The following IMMP2L variants were observed in gnomAD, a reference collection of about 807,000 sequenced individuals.
The protein encoded by IMMP2L is mitochondrial inner membrane protease subunit 2.
Under a neutral mutation model 19.3 loss-of-function variants are expected in IMMP2L, and 18 were observed. The observed-to-expected ratio is 0.93, with a 90% confidence interval of 0.64 to 1.38. IMMP2L has a LOEUF of 1.38. IMMP2L is among the 40% of genes most tolerant of loss of function. The pLI is 0.00. For synonymous variants in IMMP2L, 76 were observed against 73.0 expected (o/e 1.04, Z -0.21); for missense variants, 233 against 218.2 (o/e 1.07, Z -0.43).
intron 2 of IMMP2L, among the ~76,000 whole-genome samples, chr7:111,509,906 T>G (rs929343164): frequency 3.3e-5 from 5 of 152,120 alleles, no homozygotes; most frequent in African/African-American, 9.7e-5. Context: ...AAGAAGAAAT[T>G]TCATATGCAT....
At chr7:111,086,274 A>G (rs946251065) in intron 3 of IMMP2L, among the ~76,000 whole-genome samples, 2 of 151,390 alleles carry the variant, frequency 1.3e-5, no homozygotes, top group Admixed American at 6.6e-5. Context: ...AAGAAAAAAA[A>G]AAAAGAAAAA....
At chr7:111,539,248 AAG>A (rs199941521) in intron 1 of IMMP2L, among the ~76,000 whole-genome samples, 182 of 145,804 alleles carry the variant, frequency 1.2e-3, no homozygotes, top group Middle Eastern at 3.6e-3. Context: ...GAAAGAAAGA[AAG>A]AAAGAAAGAA....
At chr7:111,294,671 G>C (rs1821443022) in intron 3 of IMMP2L, among the ~76,000 whole-genome samples, 1 of 151,750 alleles carries the variant, frequency 6.6e-6, no homozygotes, top group African/African-American at 2.4e-5. Flanking sequence ...ACCAAAACTG[G>C]CAAGGACAGA....
At chr7:111,490,596 C>T (rs1326839633) in intron 2 of IMMP2L, among the ~76,000 whole-genome samples, 1 of 151,284 alleles carries the variant, frequency 6.6e-6, no homozygotes, top group African/African-American at 2.4e-5. Context: ...TTTCAAGCAC[C>T]AATCATTATG....
chr7:111,507,538 T>C (rs1446321800), intron 2 of IMMP2L, among the ~76,000 whole-genome samples: 1 of 152,124 alleles, frequency 6.6e-6, no homozygotes, highest in Non-Finnish European at 1.5e-5. Context: ...CTGTTTTCTA[T>C]TAACAGTTGT....
chr7:111,431,520 A>G (rs1427401107), intron 3 of IMMP2L, among the ~76,000 whole-genome samples: 2 of 151,884 alleles, frequency 1.3e-5, no homozygotes, highest in African/African-American at 4.9e-5. Flanking sequence ...GCAAGATCAC[A>G]CAGGTTTTTT....
chr7:110,757,692 G>A lies in IMMP2L; in HGVS notation c.409-93971C>T, dbSNP rs899318029. Reference sequence around the variant, plus strand: ...AACAGCTCTGCTTTATCAGGCCTGGGATATGCATATCCTTCCTAGACTCCC... The same window carrying A: ...AACAGCTCTGCTTTATCAGGCCTGGAATATGCATATCCTTCCTAGACTCCC... On this transcript the variant is annotated intron_variant, in intron 5 of 5. Coordinates refer to ENST00000405709, the MANE Select transcript of IMMP2L (RefSeq NM_032549.4). This position sits in a 1 kb window ranked among gnomAD's most constrained non-coding sequence, Gnocchi z 4.2. Among the ~76,000 whole-genome samples the A allele has an allele frequency of 6.6e-6, 1 of 152,092 alleles. No individual in the cohort carries two copies. The highest frequency in any genetic ancestry group is 2.4e-5 in the African/African-American group (1 of 41,426).
intron 3 of IMMP2L, among the ~76,000 whole-genome samples, chr7:111,391,222 A>T (rs1832324125): frequency 6.6e-6 from 1 of 152,114 alleles, no homozygotes; most frequent in Admixed American, 6.6e-5. Context: ...CATCAGGAGC[A>T]GCTCTCTTGC....
chr7:111,085,075 A>G (rs1294953716), intron 3 of IMMP2L, among the ~76,000 whole-genome samples: 1 of 152,174 alleles, frequency 6.6e-6, no homozygotes, highest in African/African-American at 2.4e-5. Flanking sequence ...ACCTTTTTGG[A>G]TCTACAGAGA....
chr7:110,760,103 G>A lies in IMMP2L; in HGVS notation c.409-96382C>T, dbSNP rs566473504. On this transcript the variant is annotated intron_variant, in intron 5 of 5. Transcript: ENST00000405709. This position sits in a 1 kb window ranked among gnomAD's most constrained non-coding sequence, Gnocchi z 4.2. ...TGCTTTGTCATCACAAAAGAAAACC[G>A]TTTTATTTTTCTAATTATTATCTAC... 3.5e-4 allele frequency among the ~76,000 whole-genome samples: 54 copies of A among 152,132 alleles called. No individual in the cohort carries two copies. Among genetic ancestry groups the A allele is most frequent in the African/African-American group, 1.1e-3 (46 of 41,528 alleles).
intron 3 of IMMP2L, among the ~76,000 whole-genome samples, chr7:111,430,052 T>A (rs1363681142): frequency 2.0e-5 from 3 of 151,820 alleles, no homozygotes; most frequent in Non-Finnish European, 4.4e-5. Flanking sequence ...GCCACATGTA[T>A]ACAAAACAAA....
intron 3 of IMMP2L, among the ~76,000 whole-genome samples, chr7:111,139,385 T>G (rs1802654535): frequency 6.6e-6 from 1 of 152,138 alleles, no homozygotes; most frequent in African/African-American, 2.4e-5. Flanking sequence ...TGCCAGAGAC[T>G]GGACTAGATT....
At chr7:111,320,196 A>G (rs1287107082) in intron 3 of IMMP2L, among the ~76,000 whole-genome samples, 1 of 152,062 alleles carries the variant, frequency 6.6e-6, no homozygotes, top group African/African-American at 2.4e-5. Context: ...CTACCAAGAC[A>G]GAAGCTAATT....
chr7:111,123,415 C>A lies in IMMP2L; in HGVS notation c.240-159850G>T. The A allele has an allele frequency of 1.2e-6, 2 of 1,613,626 alleles. No individual in the cohort carries two copies. Among genetic ancestry groups the A allele is most frequent in the Non-Finnish European group, 1.7e-6 (2 of 1,179,854 alleles). The stretch of plus-strand genomic sequence containing the variant: ...GAACTTTAAGCCTCTTATCAATCTT[C>A]GCAGCCTGGTTATAGCTGGTATAAA... On this transcript the variant is annotated intron_variant, in intron 3 of 5. Transcript: ENST00000405709. This position sits in a 1 kb window ranked among gnomAD's most constrained non-coding sequence, Gnocchi z 6.4.
intron 3 of IMMP2L, among the ~76,000 whole-genome samples, chr7:111,289,973 TC>T (rs772279179): frequency 1.3e-5 from 2 of 152,054 alleles, no homozygotes; most frequent in Non-Finnish European, 2.9e-5. Context: ...TCTCTTAACA[TC>T]CCCACCACAA....
intron 3 of IMMP2L, among the ~76,000 whole-genome samples, chr7:111,473,065 A>T (rs1841409606): frequency 6.6e-6 from 1 of 152,228 alleles, no homozygotes; most frequent in Admixed American, 6.5e-5. Context: ...AAATAAAACT[A>T]TTATTGTCAT....
chr7:111,128,796 C>T (rs1005334234), intron 3 of IMMP2L, among the ~76,000 whole-genome samples: 7 of 152,076 alleles, frequency 4.6e-5, no homozygotes, highest in Admixed American at 2.0e-4. Context: ...CTGCATGCCA[C>T]GCTGGCAACA....
At chr7:111,306,274 A>G (rs998573490) in intron 3 of IMMP2L, among the ~76,000 whole-genome samples, 13 of 152,144 alleles carry the variant, frequency 8.5e-5, no homozygotes, top group Admixed American at 2.0e-4. Flanking sequence ...AGAATGTACA[A>G]CATCAACAGT....
intron 3 of IMMP2L, among the ~76,000 whole-genome samples, chr7:111,382,998 C>A (rs573259912): frequency 2.0e-5 from 3 of 152,046 alleles, no homozygotes; most frequent in South Asian, 2.1e-4. Flanking sequence ...CATCTTTAAT[C>A]TACTCTGTGG....
Sources: gnomAD v4.1 joint callset for allele counts (sites outside exome capture counted in the v4.1 genomes callset) on GRCh38, gnomAD v4.1.1 for gene constraint, Gnocchi (gnomAD v3.1) non-coding constraint, MANE v1.5 for transcripts, NCBI Gene and HGNC (gene_info 2026-07-23, HGNC 2026-07-21) for gene names.